Variants in RAD51B observed in about 807,000 individuals in gnomAD.
RAD51B encodes RAD51 paralog B, also known as DNA repair protein RAD51 homolog 2.
Under a neutral mutation model 42.2 loss-of-function variants are expected in RAD51B, and 38 were observed. The observed-to-expected ratio is 0.90, with a 90% confidence interval of 0.70 to 1.18. The LOEUF (loss-of-function observed/expected upper bound fraction) is 1.18, where lower values mean the gene tolerates loss of function less well. Among genes scored for constraint, RAD51B ranks in the 50% most tolerant of loss-of-function variants. The probability of loss-of-function intolerance (pLI) is 0.00; values close to 1 mark genes in which losing one functional copy is unlikely to be tolerated. For missense variants in RAD51B, 373 were observed against 400.7 expected (o/e 0.93, Z 0.59); for synonymous variants, 154 against 145.2 (o/e 1.06, Z -0.43).
chr14:68,026,699 A>T (rs1217568682), intron 7 of RAD51B, among the ~76,000 whole-genome samples: 1 of 151,654 alleles, frequency 6.6e-6, no homozygotes, highest in Non-Finnish European at 1.5e-5. Flanking sequence ...TGCATGCTAG[A>T]TCTTTCTTTA....
chr14:68,258,557 C>T (rs183441363), intron 7 of RAD51B, among the ~76,000 whole-genome samples: 36 of 152,014 alleles, frequency 2.4e-4, no homozygotes, highest in African/African-American at 7.2e-4. Flanking sequence ...TGGAACATTG[C>T]GATGGTTTTT....
chr14:68,466,491 C>A (rs953315633), intron 9 of RAD51B, among the ~76,000 whole-genome samples: 3 of 152,188 alleles, frequency 2.0e-5, no homozygotes, highest in Non-Finnish European at 4.4e-5. Context: ...GTGGTTGAGC[C>A]AAGTGGCTCT....
chr14:68,226,819 T>C (rs2080048528), intron 7 of RAD51B, among the ~76,000 whole-genome samples: 2 of 152,232 alleles, frequency 1.3e-5, no homozygotes, highest in African/African-American at 4.8e-5. Flanking sequence ...AGAACCCAAA[T>C]CTCCTGACTC....
chr14:68,541,098 C>T, intron 10 of RAD51B: 1 of 985,382 alleles, frequency 1.0e-6, no homozygotes, highest in Non-Finnish European at 1.2e-6. Flanking sequence ...GAAGGAAGCC[C>T]TCTGTGATGT....
At chr14:68,104,715 T>C (rs1025275797) in intron 7 of RAD51B, among the ~76,000 whole-genome samples, 8 of 152,142 alleles carry the variant, frequency 5.3e-5, no homozygotes, top group African/African-American at 1.9e-4. Flanking sequence ...CCCACATGAT[T>C]CTTGTAAGTG....
chr14:67,931,782 C>T (rs1022554392), intron 7 of RAD51B, among the ~76,000 whole-genome samples: 2 of 152,070 alleles, frequency 1.3e-5, no homozygotes, highest in African/African-American at 2.4e-5. Flanking sequence ...GGATTATAGG[C>T]GTGAATCACA....
chr14:68,136,373 A>T (rs61987542), intron 7 of RAD51B, among the ~76,000 whole-genome samples: 77,075 of 116,822 alleles, frequency 0.66, 28,814 homozygotes, highest in East Asian at 0.88. Context: ...AGGTCAAGAG[A>T]TCGAGACCAT....
intron 10 of RAD51B, among the ~76,000 whole-genome samples, chr14:68,477,119 G>C (rs1174607250): frequency 6.6e-6 from 1 of 152,218 alleles, no homozygotes; most frequent in Non-Finnish European, 1.5e-5. Flanking sequence ...CAAAGGGTGT[G>C]AGGCACAACC....
Position 68,078,885 on chromosome 14 carries a change from G to A in RAD51B, c.756+191681G>A, listed in dbSNP as rs181513030. Among the ~76,000 whole-genome samples the A allele has an allele frequency of 1.2e-4, 18 of 152,266 alleles. No homozygotes were observed. The East Asian group carries it at 3.5e-3, about 29-fold the overall frequency. The stretch of plus-strand genomic sequence containing the variant: ...TGTGCCTGTAGTCCCAGCTATTCAG[G>A]AGGTTGTGGTGGGGGAATTGCTTGA... On this transcript the variant is annotated intron_variant, in intron 7 of 10. Transcript: ENST00000471583.
rs908049343 is a variant in RAD51B at position 68,477,757 on chromosome 14, A to T, written c.*93A>T. 3 of 1,573,686 alleles carry T rather than the reference A, an allele frequency of 1.9e-6. No individual in the cohort carries two copies. The African/African-American group carries it at 4.1e-5, about 22-fold the overall frequency. Reference sequence around the variant, plus strand: ...TTGGAAGAAGGAAACGGAAGCTGACATAATGGGGATTAATTAGTTGATTGC... The same window carrying T: ...TTGGAAGAAGGAAACGGAAGCTGACTTAATGGGGATTAATTAGTTGATTGC... On this transcript the variant is annotated 3_prime_UTR_variant, in exon 11 of 11. Coordinates refer to ENST00000471583, the MANE Select transcript of RAD51B (RefSeq NM_133510.4).
intron 9 of RAD51B, among the ~76,000 whole-genome samples, chr14:68,420,235 C>T (rs74356184): frequency 1.8e-4 from 27 of 152,142 alleles, no homozygotes; most frequent in African/African-American, 5.8e-4. Flanking sequence ...GTTGTGTTAC[C>T]GGAAAGGGAT....
At chr14:68,642,849 C>T (rs1345741438) in intron 10 of RAD51B, among the ~76,000 whole-genome samples, 1 of 152,168 alleles carries the variant, frequency 6.6e-6, no homozygotes, top group African/African-American at 2.4e-5. Flanking sequence ...TCTAAGATTT[C>T]TTTTTTGACC....
chr14:67,930,501 G>A (rs2044689380), intron 7 of RAD51B, among the ~76,000 whole-genome samples: 1 of 151,798 alleles, frequency 6.6e-6, no homozygotes, highest in Non-Finnish European at 1.5e-5. Context: ...TTTTTCTTTT[G>A]GCACTTTGAA....
At chr14:68,266,855 A>G (rs2081001666) in intron 7 of RAD51B, among the ~76,000 whole-genome samples, 2 of 152,238 alleles carry the variant, frequency 1.3e-5, no homozygotes, top group African/African-American at 4.8e-5. Context: ...AATAAATATG[A>G]AAACACTTTG....
chr14:68,139,950 C>G (rs1566675615), intron 7 of RAD51B, among the ~76,000 whole-genome samples: 3 of 152,168 alleles, frequency 2.0e-5, no homozygotes, highest in South Asian at 4.1e-4. Flanking sequence ...ACCCTTGAAG[C>G]AGCCACACAG....
chr14:68,413,719 T>G (rs1037048190), intron 9 of RAD51B, among the ~76,000 whole-genome samples: 2 of 152,178 alleles, frequency 1.3e-5, no homozygotes, highest in African/African-American at 4.8e-5. Context: ...GGTCTTATTT[T>G]ATGAAAAACC....
intron 8 of RAD51B, 37 bp from the exon 9 acceptor site, chr14:68,411,387 G>A: frequency 1.3e-6 from 2 of 1,543,966 alleles, no homozygotes; most frequent in Non-Finnish European, 9.0e-7. Context: ...TCTCAAGAAA[G>A]GGCATCTGAA....
intron 7 of RAD51B, among the ~76,000 whole-genome samples, chr14:68,198,337 C>G (rs2079415883): frequency 6.6e-6 from 1 of 152,146 alleles, no homozygotes; most frequent in South Asian, 2.1e-4. Flanking sequence ...TGCTTAGGCT[C>G]TGAGGCTTTA....
At chr14:68,634,357 C>T (rs774709666) in intron 10 of RAD51B, among the ~76,000 whole-genome samples, 1 of 152,182 alleles carries the variant, frequency 6.6e-6, no homozygotes, top group East Asian at 1.9e-4. Flanking sequence ...TGTACCTAAA[C>T]CGAATGCCTT....
Sources: allele counts gnomAD v4.1 joint callset (sites outside exome capture counted in the v4.1 genomes callset), GRCh38; gene constraint gnomAD v4.1.1; transcripts MANE v1.5; gene names NCBI Gene and HGNC (gene_info 2026-07-23, HGNC 2026-07-21).